SPINK5: variants seen among roughly 807,000 people sequenced by gnomAD.
SPINK5 encodes the protein serine peptidase inhibitor Kazal type 5, also known as serine protease inhibitor Kazal-type 5.
Under a neutral mutation model 151.8 loss-of-function variants are expected in SPINK5, and 125 were observed. The observed-to-expected ratio is 0.82, with a 90% CI of 0.71 to 0.96. The LOEUF is 0.96. Among genes scored for constraint, SPINK5 ranks in the 40% least tolerant of loss-of-function variants. SPINK5 has a pLI of 0.00. For synonymous variants in SPINK5, 374 were observed against 395.3 expected, an observed-to-expected ratio of 0.95 and a Z score of 0.64; for missense variants, 1,194 against 1,291.9, an observed-to-expected ratio of 0.92 and a Z score of 1.16.
At chr5:148,116,611 A>G in intron 22 of SPINK5, 145 bp downstream of exon 22, 1 of 776,992 alleles carries the variant, frequency 1.3e-6, no homozygotes, top group Non-Finnish European at 2.2e-6. Context: ...GCAGGGTAAG[A>G]TATCAGCACA....
At chr5:148,132,184 TG>T in intron 31 of SPINK5, among the ~76,000 whole-genome samples, 1 of 152,322 alleles carries the variant, frequency 6.6e-6, no homozygotes, top group East Asian at 1.9e-4. Context: ...AATTTCCCCT[TG>T]TCTCTATATG....
intron 31 of SPINK5, 72 bp downstream of exon 31, chr5:148,131,461 T>C: frequency 6.3e-7 from 1 of 1,596,862 alleles, no homozygotes; most frequent in Non-Finnish European, 8.6e-7. Context: ...CCCATAGTAA[T>C]GCACTGATAT....
chr5:148,100,892 A>T (rs1388144622), intron 13 of SPINK5, among the ~76,000 whole-genome samples: 1 of 152,202 alleles, frequency 6.6e-6, no homozygotes, highest in African/African-American at 2.4e-5. Context: ...AAAGAATGAA[A>T]GGTCTGGAAG....
Position 148,100,542 on chromosome 5 carries a change from A to G in SPINK5, c.1181A>G (p.Lys394Arg), listed in dbSNP as rs1251570187. The G allele has an allele frequency of 6.2e-7, 1 of 1,613,326 alleles. No homozygotes were observed. The highest frequency in any genetic ancestry group is 8.5e-7 in the Non-Finnish European group (1 of 1,179,482). The change falls in exon 13 of 33, where the codon AAA becomes AGA. Residue 394 changes from lysine (K) to arginine (R), a missense_variant. Lys to Arg is a conservative substitution (Grantham distance 26). Transcript: ENST00000256084. ...ENDPIQGPDG[K>R]VHGNTCSMCE... ...GATCCTATCCAGGGCCCAGATGGGA[A>G]AGTGCATGGCAACACCTGCTCCATG...
chr5:148,135,265 C>T (rs1218056698), intron 32 of SPINK5, among the ~76,000 whole-genome samples: 1 of 152,176 alleles, frequency 6.6e-6, no homozygotes. Context: ...TCCCCGTCCT[C>T]ACAAACTCAC....
At chr5:148,092,030 A>AGCC (rs1190324956) in intron 8 of SPINK5, among the ~76,000 whole-genome samples, 1 of 151,876 alleles carries the variant, frequency 6.6e-6, no homozygotes, top group Non-Finnish European at 1.5e-5. Context: ...TGGGTGTGGG[A>AGCC]GACTAAGTAA....
chr5:148,069,230 G>T (rs1031587839), intron 2 of SPINK5, among the ~76,000 whole-genome samples: 1 of 151,606 alleles, frequency 6.6e-6, no homozygotes, highest in African/African-American at 2.4e-5. Flanking sequence ...TGTATAGCAG[G>T]ACTTTAATAA....
intron 4 of SPINK5, among the ~76,000 whole-genome samples, chr5:148,078,105 C>T (rs1031875093): frequency 1.3e-5 from 2 of 151,074 alleles, no homozygotes; most frequent in Middle Eastern, 3.4e-3. Context: ...GATAACAGAT[C>T]GGTACCATGC....
In SPINK5 at chr5:148,118,521, G is replaced by A; in HGVS notation, c.2197G>A (p.Gly733Ser). The part of the protein sequence containing the change: ...RESDPVRDAD[G>S]KSYNNQCTMC... Reference sequence around the variant, plus strand: ...GAGTGATCCTGTACGTGATGCTGATGGCAAATCGTACAACAATCAGTGTAC... The same window carrying A: ...GAGTGATCCTGTACGTGATGCTGATAGCAAATCGTACAACAATCAGTGTAC... Residue 733 changes from glycine to serine, a missense_variant, in exon 23 of 33, where the codon GGC becomes AGC. Physicochemically the swap from Gly to Ser is moderately conservative, Grantham distance 56. Coordinates refer to ENST00000256084, the MANE Select transcript of SPINK5 (RefSeq NM_006846.4). 2 of 1,614,130 alleles carry A rather than the reference G, an allele frequency of 1.2e-6. No individual in the cohort carries two copies. The highest frequency in any genetic ancestry group is 1.7e-6 in the Non-Finnish European group (2 of 1,180,006).
chr5:148,114,533 G>A (rs545015031), intron 21 of SPINK5, 44 bp downstream of exon 21: 2 of 1,610,438 alleles, frequency 1.2e-6, no homozygotes, highest in African/African-American at 2.7e-5. Context: ...GGTGGAATTG[G>A]GGAAGCAATG....
rs76177801 is a variant in SPINK5, at chr5:148,116,652, C to T, written c.2112+186C>T. Among the ~76,000 whole-genome samples the T allele has an allele frequency of 4.7e-4, 72 of 152,322 alleles. 2 individuals carry two copies. The East Asian group carries it at 0.014, about 29-fold the overall frequency. ...ACTGCTCTGGGGTTCATTTGGATTT[C>T]TTTACACCTTGAAATAATTAACAAT... On this transcript the variant is annotated intron_variant, in intron 22 of 32. Transcript: ENST00000256084.
intron 8 of SPINK5, 87 bp from the exon 9 acceptor site, chr5:148,094,267 C>T: frequency 7.0e-7 from 1 of 1,433,200 alleles, no homozygotes; most frequent in Non-Finnish European, 9.8e-7. Context: ...TGCAATCCAC[C>T]CTGCGCAATG....
chr5:148,107,254 C>T, intron 17 of SPINK5, 90 bp downstream of exon 17: 1 of 1,542,824 alleles, frequency 6.5e-7, no homozygotes, highest in Admixed American at 1.9e-5. Flanking sequence ...AGAGTATAGA[C>T]CGTGAGTTAT....
Position 148,095,826 on chromosome 5 carries a change from G to A in SPINK5, c.803G>A (p.Arg268His), listed in dbSNP as rs375727921. The A allele has an allele frequency of 6.0e-5, 96 of 1,611,770 alleles. No individual in the cohort carries two copies. In the African/African-American group the frequency reaches 9.1e-4, roughly 15 times the overall value. The change falls in exon 10 of 33, where the codon CGT (arginine) becomes CAT (histidine). Residue 268 changes from arginine (R) to histidine (H), a missense_variant. Coordinates refer to ENST00000256084, the MANE Select transcript of SPINK5 (RefSeq NM_006846.4). Reference sequence around the variant, plus strand: ...TATTTTACTTTTTCCAGCAAGCAGCGTTTTTCAGAGGAAAACAGTAAAACA... The same window carrying A: ...TATTTTACTTTTTCCAGCAAGCAGCATTTTTCAGAGGAAAACAGTAAAACA... ...CALCAEIFKQRFSEENSKTDQ... is the reference protein window; with the variant it reads ...CALCAEIFKQHFSEENSKTDQ...
intron 13 of SPINK5, 102 bp downstream of exon 13, chr5:148,100,683 G>T (rs931160081): frequency 2.3e-6 from 3 of 1,327,220 alleles, no homozygotes; most frequent in Non-Finnish European, 3.2e-6. Flanking sequence ...AAAAATGAAA[G>T]AATTAAGGCA....
chr5:148,101,795 A>G lies in SPINK5; in HGVS notation c.1317A>G (p.Glu439=), dbSNP rs768576098. 1.2e-6 allele frequency: 2 copies of G among 1,613,778 alleles called. No homozygotes were observed. The highest frequency in any genetic ancestry group is 1.7e-6 in the Non-Finnish European group (2 of 1,179,744). Residue 439 remains glutamate, a synonymous_variant, in exon 15 of 33, where the codon GAA becomes GAG. Transcript: ENST00000256084. ...CAATTTCACAGGAGTTGTGTAGTGA[A>G]TACCGCAAATCCAGGAAAAACGGAC... ...STASFEELCS[E]YRKSRKNGRL... is the part of the protein sequence containing the mutation.
At chr5:148,096,800 C>T (rs1753480030) in intron 10 of SPINK5, among the ~76,000 whole-genome samples, 1 of 147,132 alleles carries the variant, frequency 6.8e-6, no homozygotes, top group South Asian at 2.2e-4. Context: ...TCTCTGTCAC[C>T]CAGGCTGGAG....
chr5:148,072,626 A>G (rs1348653207), intron 4 of SPINK5, among the ~76,000 whole-genome samples: 1 of 152,012 alleles, frequency 6.6e-6, no homozygotes, highest in Non-Finnish European at 1.5e-5. Context: ...CAATGTTTTC[A>G]TCTGTAAAAT....
Position 148,100,590 on chromosome 5 carries a change from C to A in SPINK5, c.1220+9C>A, listed in dbSNP as rs752583531. 1 of 1,612,388 alleles carries A rather than the reference C, an allele frequency of 6.2e-7. No individual in the cohort carries two copies. Among genetic ancestry groups the A allele is most frequent in the Non-Finnish European group, 8.5e-7 (1 of 1,178,912 alleles). On this transcript the variant is annotated intron_variant, in intron 13 of 32. Coordinates refer to ENST00000256084, the MANE Select transcript of SPINK5 (RefSeq NM_006846.4). ...ATGTGTGAGGTCTTCTTGTGAGTAG[C>A]CCTGCAGCTGGGAACATGGAGGAAT...
Sources: gnomAD v4.1 joint callset for allele counts (sites outside exome capture counted in the v4.1 genomes callset) on GRCh38, gnomAD v4.1.1 for gene constraint, MANE v1.5 for transcripts, NCBI Gene and HGNC (gene_info 2026-07-23, HGNC 2026-07-21) for gene names.